CCDC102B: variants seen among roughly 807,000 people sequenced by gnomAD.
The protein encoded by CCDC102B is coiled-coil domain-containing protein 102B.
A neutral mutation model predicts 57.4 loss-of-function variants in CCDC102B; 75 were observed. That is an observed-to-expected ratio of 1.31 (90% CI 1.08 to 1.58). CCDC102B has a LOEUF of 1.58. Among genes scored for constraint, CCDC102B ranks in the 40% most tolerant of loss-of-function variants. CCDC102B has a pLI of 0.00. For missense variants in CCDC102B, 636 were observed against 582.6 expected (o/e 1.09, Z -0.94); for synonymous variants, 206 against 201.9 (o/e 1.02, Z -0.17).
chr18:68,721,908 A>G (rs780437435), intron 2 of CCDC102B, among the ~76,000 whole-genome samples: 4 of 152,212 alleles, frequency 2.6e-5, no homozygotes, highest in Non-Finnish European at 4.4e-5. Flanking sequence ...CCTCAACCAT[A>G]GGAACTTGGA....
At chr18:69,026,168 G>C (rs2051984284) in intron 7 of CCDC102B, among the ~76,000 whole-genome samples, 1 of 152,076 alleles carries the variant, frequency 6.6e-6, no homozygotes, top group Non-Finnish European at 1.5e-5. Flanking sequence ...AGTGTATCAA[G>C]AAGGCAGTCC....
intron 2 of CCDC102B, among the ~76,000 whole-genome samples, chr18:68,792,142 G>A (rs1278361579): frequency 1.3e-5 from 2 of 152,108 alleles, no homozygotes; most frequent in African/African-American, 4.8e-5. Context: ...GCTGCTATGA[G>A]CTCAATTAAA....
intron 6 of CCDC102B, among the ~76,000 whole-genome samples, chr18:68,950,175 C>T (rs78979737): frequency 0.017 from 2,566 of 152,052 alleles, 34 homozygotes; most frequent in Middle Eastern, 0.027. Flanking sequence ...TTGGTAATGC[C>T]TTTTTTTCTG....
At chr18:68,913,651 T>G (rs1460251280) in intron 6 of CCDC102B, among the ~76,000 whole-genome samples, 1 of 78,652 alleles carries the variant, frequency 1.3e-5, no homozygotes, top group African/African-American at 5.0e-5. Context: ...TGACACTCGG[T>G]CTCAAAAGAA....
At chr18:68,966,703 C>T (rs1354046150) in intron 6 of CCDC102B, among the ~76,000 whole-genome samples, 2 of 152,004 alleles carry the variant, frequency 1.3e-5, no homozygotes, top group Non-Finnish European at 2.9e-5. Flanking sequence ...AGTAGAATAT[C>T]CCCCAATATT....
Position 69,054,145 on chromosome 18 carries a change from A to C in CCDC102B, c.*8A>C, listed in dbSNP as rs547792221. The C allele has an allele frequency of 3.1e-6, 5 of 1,589,356 alleles. No homozygotes were observed. In the South Asian group the frequency reaches 5.7e-5, roughly 18 times the overall value. On this transcript the variant is annotated 3_prime_UTR_variant, in exon 8 of 8. Transcript: ENST00000360242. ...CACTTGCAAAACTGGTAATTTTTTC[A>C]CAAAATATGCTGAATTAAAGATTAG...
At chr18:68,956,406 T>TA in intron 6 of CCDC102B, among the ~76,000 whole-genome samples, 1 of 78,380 alleles carries the variant, frequency 1.3e-5, no homozygotes, top group Non-Finnish European at 2.2e-5. Flanking sequence ...ATAAATATAT[T>TA]TTATATATAT....
At chr18:68,772,317 T>A (rs1411930245) in intron 2 of CCDC102B, among the ~76,000 whole-genome samples, 3 of 152,096 alleles carry the variant, frequency 2.0e-5, no homozygotes, top group African/African-American at 7.2e-5. Flanking sequence ...GGAAATAATA[T>A]GAAAAGCTGG....
intron 6 of CCDC102B, among the ~76,000 whole-genome samples, chr18:69,000,244 A>C (rs1281189088): frequency 2.0e-5 from 3 of 152,208 alleles, no homozygotes; most frequent in Admixed American, 2.0e-4. Flanking sequence ...ACTTTATCAG[A>C]CATTAAAAAA....
chr18:68,749,408 G>T (rs1568230965), intron 2 of CCDC102B, among the ~76,000 whole-genome samples: 1 of 152,118 alleles, frequency 6.6e-6, no homozygotes, highest in Non-Finnish European at 1.5e-5. Context: ...CTATCCATGA[G>T]CATGGAATGT....
intron 1 of CCDC102B, among the ~76,000 whole-genome samples, chr18:68,818,880 A>G (rs2144732610): frequency 1.3e-5 from 2 of 152,266 alleles, no homozygotes; most frequent in Middle Eastern, 6.8e-3. Flanking sequence ...CATATAATGT[A>G]AGAACTATCC....
chr18:68,796,820 A>T (rs1306030226), upstream of CCDC102B, among the ~76,000 whole-genome samples: 1 of 142,962 alleles, frequency 7.0e-6, no homozygotes, highest in African/African-American at 2.6e-5. Flanking sequence ...AATTAAAAAT[A>T]AATAGAATAT....
chr18:68,837,855 A>G (rs556671957), intron 2 of CCDC102B, among the ~76,000 whole-genome samples: 1 of 152,330 alleles, frequency 6.6e-6, no homozygotes, highest in South Asian at 2.1e-4. Context: ...TTCCGTGAAC[A>G]ACACATCTTA....
In CCDC102B at chr18:69,037,057, A is replaced by G. The variant is rs1049494689; in HGVS notation, c.1435-16973A>G. On this transcript the variant is annotated intron_variant, in intron 7 of 7. Transcript: ENST00000360242. ...CACACACACACACACACACACATAC[A>G]TACATATATACACGCACATACACAT... Among the ~76,000 whole-genome samples, 44 of 151,988 alleles carry G rather than the reference A, an allele frequency of 2.9e-4. 1 individual carries two copies. The highest frequency in any genetic ancestry group is 2.6e-3 in the Admixed American group (39 of 15,200).
intron 4 of CCDC102B, among the ~76,000 whole-genome samples, chr18:68,853,672 TAAAAAAAAAAAAAAAAA>T (rs71175201): frequency 5.3e-5 from 5 of 94,650 alleles, no homozygotes; most frequent in Admixed American, 1.2e-4. Context: ...CCCCAAATTG[TAAAAAAAAAAAAAAAAA>T]AAAAAAAAAA....
chr18:69,055,597 T>A (rs980914795), downstream of CCDC102B, among the ~76,000 whole-genome samples: 2 of 151,956 alleles, frequency 1.3e-5, no homozygotes, highest in Non-Finnish European at 2.9e-5. Context: ...CCAAATACAG[T>A]TTGGAGAAGC....
chr18:68,909,513 C>CA (rs1380019852), intron 6 of CCDC102B, among the ~76,000 whole-genome samples: 1 of 152,126 alleles, frequency 6.6e-6, no homozygotes, highest in East Asian at 1.9e-4. Context: ...GCATGCACTT[C>CA]AGTATGTGTT....
chr18:68,766,363 T>C (rs935600624), intron 2 of CCDC102B, among the ~76,000 whole-genome samples: 1 of 152,166 alleles, frequency 6.6e-6, no homozygotes, highest in African/African-American at 2.4e-5. Flanking sequence ...GATATGTCCA[T>C]ATATCATTCC....
intron 7 of CCDC102B, 45 bp downstream of exon 7, chr18:69,011,149 T>C (rs2051504935): frequency 6.7e-7 from 1 of 1,499,944 alleles, no homozygotes; most frequent in Admixed American, 1.9e-5. Flanking sequence ...TTCTAAATAG[T>C]ATTTTAGAGC....
Sources: gnomAD v4.1 joint callset for allele counts (sites outside exome capture counted in the v4.1 genomes callset) on GRCh38, gnomAD v4.1.1 for gene constraint, MANE v1.5 for transcripts, NCBI Gene and HGNC (gene_info 2026-07-23, HGNC 2026-07-21) for gene names.